CDH22: variants seen among roughly 807,000 people sequenced by gnomAD.
The protein encoded by CDH22 is cadherin-22.
Under a neutral mutation model 58.4 loss-of-function variants are expected in CDH22, and 30 were observed. The observed-to-expected ratio is 0.51, with a 90% CI of 0.38 to 0.70. The LOEUF (loss-of-function observed/expected upper bound fraction) is 0.70. CDH22 is among the 30% of genes least tolerant of loss of function. The pLI is 0.00. For synonymous variants in CDH22, 513 were observed against 558.2 expected, an observed-to-expected ratio of 0.92 and a Z score of 1.14; for missense variants, 1,014 against 1,233.9, an observed-to-expected ratio of 0.82 and a Z score of 2.67.
chr20:46,308,426 T>TGAGCGAGA lies in CDH22; in HGVS notation c.-579_-572dup, dbSNP rs577421615. On this transcript the variant is annotated 5_prime_UTR_variant, in exon 1 of 12. Transcript: ENST00000537909. This position sits in a 1 kb window ranked among gnomAD's most constrained non-coding sequence, Gnocchi z 4.3. ...GCGGCGGCGTGTGCGCGCGTGTGTG[T>TGAGCGAGA]GAGCGAGAGAGCGAGAGAGCGAGAG... 6.0e-4 allele frequency: 129 copies of TGAGCGAGA among 215,158 alleles called. No individual in the cohort carries two copies. The highest frequency in any genetic ancestry group is 1.7e-3 in the Middle Eastern group (1 of 594). The allele number at this position is 215,158 out of a possible 1,614,324, so 13.3% of individuals were successfully genotyped here.
At chr20:46,219,048 T>C (rs1461699749) in intron 4 of CDH22, among the ~76,000 whole-genome samples, 1 of 152,176 alleles carries the variant, frequency 6.6e-6, no homozygotes, top group Non-Finnish European at 1.5e-5. Context: ...AAGGAGAGGC[T>C]GTAGGGCGTG....
chr20:46,297,899 C>G (rs1211103176), intron 1 of CDH22, among the ~76,000 whole-genome samples: 1 of 152,130 alleles, frequency 6.6e-6, no homozygotes, highest in African/African-American at 2.4e-5. Context: ...CCTTGGCTTA[C>G]ACAGCCCTGT....
chr20:46,228,296 T>G (rs2086194896), intron 3 of CDH22, among the ~76,000 whole-genome samples: 1 of 152,194 alleles, frequency 6.6e-6, no homozygotes, highest in African/African-American at 2.4e-5. Context: ...CGGGCCCTGG[T>G]GCCCTCCTCG....
chr20:46,174,908 G>C lies in CDH22; in HGVS notation c.2085C>G (p.Gly695=), dbSNP rs757901407. 6.1e-6 allele frequency: 9 copies of C among 1,486,006 alleles called. No individual in the cohort carries two copies. Among genetic ancestry groups the C allele is most frequent in the Non-Finnish European group, 8.1e-6 (9 of 1,117,780 alleles). 92.1% of individuals were successfully genotyped at this position (1,486,006 alleles called of 1,614,324 possible). The change falls in exon 12 of 12, where the codon GGC becomes GGG. Residue 695 remains glycine (G), a synonymous_variant. Coordinates refer to ENST00000537909, the MANE Select transcript of CDH22 (RefSeq NM_021248.3). The surrounding 1 kb of genome is among the most constrained non-coding windows in gnomAD (Gnocchi z 4.4). ...CGCCCCCGTCGCCGCCCTTGAGCTC[G>C]CCGAAGTCGTAGAGGCTCCGCAGCG... ...MSALRSLYDF[G]ELKGGDGGGS...
chr20:46,289,853 A>G (rs1222989666), intron 1 of CDH22, among the ~76,000 whole-genome samples: 2 of 152,178 alleles, frequency 1.3e-5, no homozygotes, highest in African/African-American at 4.8e-5. Context: ...GGAGCTGGTG[A>G]TGGAAGGATC....
At chr20:46,232,574 C>A (rs1417433375) in intron 3 of CDH22, among the ~76,000 whole-genome samples, 1 of 152,220 alleles carries the variant, frequency 6.6e-6, no homozygotes, top group Admixed American at 6.5e-5. Context: ...TTTTGCCACC[C>A]CACTGGGTCT....
chr20:46,277,610 T>G (rs1222559320), intron 1 of CDH22, among the ~76,000 whole-genome samples: 1 of 151,574 alleles, frequency 6.6e-6, no homozygotes, highest in Non-Finnish European at 1.5e-5. Flanking sequence ...GTGGGAGGAA[T>G]AGCAGAAGAG....
At chr20:46,222,774 C>T (rs1485777659) in intron 4 of CDH22, among the ~76,000 whole-genome samples, 1 of 152,260 alleles carries the variant, frequency 6.6e-6, no homozygotes, top group Non-Finnish European at 1.5e-5. Flanking sequence ...TGCTGGCAGG[C>T]CTGGCCTTTA....
chr20:46,286,916 C>T (rs1037741930), intron 1 of CDH22, among the ~76,000 whole-genome samples: 2 of 152,180 alleles, frequency 1.3e-5, no homozygotes, highest in Admixed American at 6.5e-5. Flanking sequence ...GCTCCAGCCT[C>T]CTTTCTTGCA....
At chr20:46,227,417 G>T in intron 4 of CDH22, 91 bp downstream of exon 4, 1 of 1,242,968 alleles carries the variant, frequency 8.0e-7, no homozygotes, top group Non-Finnish European at 1.1e-6. Context: ...TGGGACAGAA[G>T]GCTCAGAGCA....
intron 1 of CDH22, among the ~76,000 whole-genome samples, chr20:46,257,354 G>A (rs2086411556): frequency 6.6e-6 from 1 of 152,190 alleles, no homozygotes. Flanking sequence ...CAGAAGCTGG[G>A]GTTGGGAGGA....
Position 46,175,085 on chromosome 20 carries a change from G to T in CDH22, c.1916-8C>A. 1 of 1,575,834 alleles carries T rather than the reference G, an allele frequency of 6.3e-7. No homozygotes were observed. On this transcript the variant is annotated splice_region_variant and splice_polypyrimidine_tract_variant and intron_variant, in intron 11 of 11. Coordinates refer to ENST00000537909, the MANE Select transcript of CDH22 (RefSeq NM_021248.3). The stretch of plus-strand genomic sequence containing the variant: ...GGATCAGCAGCACCAGCACTGCGAG[G>T]GGGACAGAGGGGGCAACTGAGGGCC...
At chr20:46,276,678 G>A (rs2425841) in intron 1 of CDH22, among the ~76,000 whole-genome samples, 48,120 of 152,082 alleles carry the variant, frequency 0.32, 8,475 homozygotes, top group Middle Eastern at 0.51. Flanking sequence ...CCAGCATGCA[G>A]GTAGAGTCTA....
intron 3 of CDH22, among the ~76,000 whole-genome samples, chr20:46,233,031 G>T (rs1480672282): frequency 1.3e-5 from 2 of 152,206 alleles, no homozygotes; most frequent in African/African-American, 4.8e-5. Context: ...CAGACAGAAA[G>T]CAGTAGAAAC....
chr20:46,184,254 C>T (rs6074060), intron 10 of CDH22, among the ~76,000 whole-genome samples: 1 of 151,858 alleles, frequency 6.6e-6, no homozygotes, highest in Non-Finnish European at 1.5e-5. Flanking sequence ...ATGCGCCACC[C>T]TGCTGGACTA....
intron 8 of CDH22, among the ~76,000 whole-genome samples, chr20:46,189,949 T>C (rs1229494350): frequency 3.1e-5 from 4 of 127,542 alleles, no homozygotes; most frequent in African/African-American, 1.4e-4. Context: ...GGTCAGTGAT[T>C]TTTTTTTTTT....
intron 1 of CDH22, among the ~76,000 whole-genome samples, chr20:46,264,819 ACACACACACACACCATG>A (rs1306350535): frequency 4.6e-5 from 7 of 151,928 alleles, no homozygotes; most frequent in East Asian, 1.9e-4. Context: ...GAGTATGCAC[ACACACACACACACCATG>A]CACACACACA....
intron 4 of CDH22, chr20:46,220,877 A>G (rs773931191): frequency 2.0e-5 from 3 of 152,622 alleles, no homozygotes; most frequent in Non-Finnish European, 2.9e-5. Context: ...GTAGGTTGCT[A>G]TGGTGACAGT....
At chr20:46,184,903 T>C (rs970423956) in intron 10 of CDH22, among the ~76,000 whole-genome samples, 2 of 152,012 alleles carry the variant, frequency 1.3e-5, no homozygotes, top group African/African-American at 4.8e-5. Flanking sequence ...CTGGCCAACA[T>C]GGCGAAACCT....
Sources: allele counts gnomAD v4.1 joint callset (sites outside exome capture counted in the v4.1 genomes callset), GRCh38; gene constraint gnomAD v4.1.1; non-coding constraint Gnocchi (gnomAD v3.1); transcripts MANE v1.5; gene names NCBI Gene and HGNC (gene_info 2026-07-23, HGNC 2026-07-21).